Variants in EEIG2 observed in about 807,000 individuals in gnomAD.
EEIG2 encodes the protein EEIG family member 2.
chr1:108,620,407 CT>C, the EEIG2 span, among the ~76,000 whole-genome samples: 9 of 152,142 alleles, frequency 5.9e-5, no homozygotes, highest in Non-Finnish European at 1.0e-4. Flanking sequence ...CTACCCTAAA[CT>C]TTATTGCATA....
At chr1:108,609,445 G>A in the EEIG2 span, among the ~76,000 whole-genome samples, 2 of 152,318 alleles carry the variant, frequency 1.3e-5, no homozygotes, top group Non-Finnish European at 1.5e-5. Flanking sequence ...TACAAGGTAA[G>A]GCAGGGAAGA....
At chr1:108,616,713 C>A in the EEIG2 span, among the ~76,000 whole-genome samples, 1 of 152,034 alleles carries the variant, frequency 6.6e-6, no homozygotes, top group East Asian at 1.9e-4. Flanking sequence ...TGAACATATT[C>A]ATTTCTTCAA....
At chr1:108,623,467 C>G in the EEIG2 span, among the ~76,000 whole-genome samples, 1 of 152,010 alleles carries the variant, frequency 6.6e-6, no homozygotes, top group Non-Finnish European at 1.5e-5. Context: ...CGCACTCCAA[C>G]CTGGGTGACA....
chr1:108,606,116 A>G, the EEIG2 span: 8 of 634,704 alleles, frequency 1.3e-5, no homozygotes, highest in Admixed American at 2.5e-4. Context: ...TTTACTGTCT[A>G]TGATATTTGC....
chr1:108,621,045 A>C, the EEIG2 span, among the ~76,000 whole-genome samples: 1 of 3,692 alleles, frequency 2.7e-4, no homozygotes, highest in Non-Finnish European at 5.7e-3. Context: ...CAGGAGAGAA[A>C]ACTGTGCACA....
At chr1:108,562,188 C>A in the EEIG2 span, among the ~76,000 whole-genome samples, 2 of 152,128 alleles carry the variant, frequency 1.3e-5, no homozygotes, top group Admixed American at 6.5e-5. Context: ...CTGGTAAGTG[C>A]GATGCCAAGA....
the EEIG2 span, among the ~76,000 whole-genome samples, chr1:108,581,887 A>G: frequency 6.6e-6 from 1 of 152,196 alleles, no homozygotes; most frequent in Non-Finnish European, 1.5e-5. Flanking sequence ...AAGAACTTCT[A>G]CTGTGAGTAA....
the EEIG2 span, among the ~76,000 whole-genome samples, chr1:108,580,734 G>A: frequency 6.6e-6 from 1 of 152,296 alleles, no homozygotes. Context: ...AGTCTAAGAG[G>A]TGAGGGAAGT....
At chr1:108,616,541 G>C in the EEIG2 span, 1 of 704,166 alleles carries the variant, frequency 1.4e-6, no homozygotes, top group Non-Finnish European at 2.3e-6. Context: ...CCAGTTAAGG[G>C]ATAGTTTCTT....
chr1:108,585,576 T>TTA, the EEIG2 span, among the ~76,000 whole-genome samples: 1 of 152,096 alleles, frequency 6.6e-6, no homozygotes, highest in Non-Finnish European at 1.5e-5. Context: ...TACAGTCCTT[T>TTA]TATATACAGC....
the EEIG2 span, among the ~76,000 whole-genome samples, chr1:108,614,700 C>T: frequency 6.6e-6 from 1 of 152,108 alleles, no homozygotes; most frequent in Non-Finnish European, 1.5e-5. Flanking sequence ...GAGCTTTACC[C>T]CTTAGACTAT....
At chr1:108,606,563 A>G in the EEIG2 span, among the ~76,000 whole-genome samples, 4 of 152,182 alleles carry the variant, frequency 2.6e-5, no homozygotes, top group Admixed American at 2.0e-4. Flanking sequence ...ACCTCCCCCA[A>G]CTGTAAGAGG....
chr1:108,608,915 T>A, the EEIG2 span, among the ~76,000 whole-genome samples: 1 of 152,220 alleles, frequency 6.6e-6, no homozygotes, highest in South Asian at 2.1e-4. Flanking sequence ...CATGGTGTCC[T>A]CAAATGGCAG....
At chr1:108,582,563 G>C in the EEIG2 span, among the ~76,000 whole-genome samples, 3 of 152,062 alleles carry the variant, frequency 2.0e-5, no homozygotes, top group East Asian at 5.8e-4. Flanking sequence ...GCAATTTATA[G>C]TCAGCAAATG....
At chr1:108,593,809 TTTTG>T in the EEIG2 span, among the ~76,000 whole-genome samples, 1 of 152,128 alleles carries the variant, frequency 6.6e-6, no homozygotes, top group East Asian at 1.9e-4. Context: ...TTTTGTTTTG[TTTTG>T]TTTGTTTTTT....
At chr1:108,562,389 A>G in the EEIG2 span, among the ~76,000 whole-genome samples, 1 of 152,222 alleles carries the variant, frequency 6.6e-6, no homozygotes, top group African/African-American at 2.4e-5. Flanking sequence ...TTCCAATTAA[A>G]ATTTGACTTT....
chr1:108,565,031 G>C, the EEIG2 span, among the ~76,000 whole-genome samples: 1 of 152,120 alleles, frequency 6.6e-6, no homozygotes, highest in Non-Finnish European at 1.5e-5. Flanking sequence ...TCAATGAAGA[G>C]ATTGGAAAAA....
the EEIG2 span, among the ~76,000 whole-genome samples, chr1:108,615,460 A>C: frequency 6.6e-6 from 1 of 152,160 alleles, no homozygotes. Flanking sequence ...GAATAGCAGC[A>C]TCTTAGAAAG....
chr1:108,635,293 C>T, the EEIG2 span: 2 of 977,386 alleles, frequency 2.0e-6, no homozygotes, highest in Non-Finnish European at 3.1e-6. Flanking sequence ...CTGGAAGGAC[C>T]CACCGCCATC....
Sources: gnomAD v4.1 joint callset for allele counts (sites outside exome capture counted in the v4.1 genomes callset) on GRCh38, gnomAD v4.1.1 for gene constraint, MANE v1.5 for transcripts, NCBI Gene and HGNC (gene_info 2026-07-23, HGNC 2026-07-21) for gene names.